Variants in FHIT observed in about 807,000 individuals in gnomAD.
FHIT encodes bis(5'-adenosyl)-triphosphatase.
Under a neutral mutation model 17.9 loss-of-function variants are expected in FHIT, and 19 were observed. The ratio of observed to expected loss-of-function variants is 1.06; its 90% CI spans 0.74 to 1.56. The LOEUF is 1.56. FHIT is among the 40% of genes most tolerant of loss of function. The pLI is 0.00. For missense variants in FHIT, 248 were observed against 189.2 expected (o/e 1.31, Z -1.82); for synonymous variants, 81 against 69.7 (o/e 1.16, Z -0.81).
chr3:59,844,413 G>A (rs1398818315), intron 8 of FHIT, among the ~76,000 whole-genome samples: 2 of 152,082 alleles, frequency 1.3e-5, no homozygotes, highest in African/African-American at 4.8e-5. Context: ...CACTGAACAT[G>A]ATGTTCAATG....
chr3:60,507,023 T>C (rs1258026928), intron 5 of FHIT, among the ~76,000 whole-genome samples: 3 of 152,140 alleles, frequency 2.0e-5, no homozygotes, highest in Non-Finnish European at 4.4e-5. Context: ...GCTCTCATAG[T>C]CTAGAGGAAG....
chr3:60,875,838 G>C (rs1406648841), intron 3 of FHIT, among the ~76,000 whole-genome samples: 2 of 151,772 alleles, frequency 1.3e-5, no homozygotes, highest in Admixed American at 1.3e-4. Flanking sequence ...GTAAGTAGCA[G>C]ACATAGAATT....
At chr3:60,301,957 G>C (rs1273768811) in intron 5 of FHIT, among the ~76,000 whole-genome samples, 1 of 151,318 alleles carries the variant, frequency 6.6e-6, no homozygotes, top group Non-Finnish European at 1.5e-5. Flanking sequence ...CCTTATAAAA[G>C]GAAAAAAAAG....
chr3:60,669,436 T>A (rs1166813410), intron 4 of FHIT, among the ~76,000 whole-genome samples: 1 of 152,146 alleles, frequency 6.6e-6, no homozygotes, highest in Non-Finnish European at 1.5e-5. Flanking sequence ...CTGTGACAGA[T>A]TTCCCCACCA....
chr3:60,998,936 G>A (rs2030869694), intron 3 of FHIT, among the ~76,000 whole-genome samples: 1 of 150,734 alleles, frequency 6.6e-6, no homozygotes, highest in South Asian at 2.1e-4. Context: ...TAAGTGCACA[G>A]GAGATCTCCA....
intron 8 of FHIT, among the ~76,000 whole-genome samples, chr3:59,754,168 C>T (rs1161812452): frequency 6.6e-6 from 1 of 151,686 alleles, no homozygotes; most frequent in Non-Finnish European, 1.5e-5. Flanking sequence ...GTGAGGGAAC[C>T]ATAGCCTCGC....
At chr3:60,571,747 C>T (rs1015242242) in intron 4 of FHIT, among the ~76,000 whole-genome samples, 1 of 152,136 alleles carries the variant, frequency 6.6e-6, no homozygotes, top group Admixed American at 6.5e-5. Context: ...TACTATTAAG[C>T]ACCCTCTCTG....
chr3:60,269,248 C>T (rs953726278), intron 5 of FHIT, among the ~76,000 whole-genome samples: 9 of 152,144 alleles, frequency 5.9e-5, no homozygotes, highest in African/African-American at 2.2e-4. Flanking sequence ...AAGTATGAGC[C>T]ATCAAGATAT....
At chr3:60,404,171 T>G (rs764579520) in intron 5 of FHIT, among the ~76,000 whole-genome samples, 1 of 149,064 alleles carries the variant, frequency 6.7e-6, no homozygotes, top group Non-Finnish European at 1.5e-5. Flanking sequence ...AAATCCCTAC[T>G]TTTTTTGCGT....
chr3:60,566,369 C>T (rs1177628771), intron 4 of FHIT, among the ~76,000 whole-genome samples: 1 of 152,134 alleles, frequency 6.6e-6, no homozygotes, highest in African/African-American at 2.4e-5. Context: ...ACATGATTAT[C>T]TCAATAGATG....
At chr3:59,791,224 A>G (rs1385497516) in intron 8 of FHIT, among the ~76,000 whole-genome samples, 2 of 152,126 alleles carry the variant, frequency 1.3e-5, no homozygotes, top group Non-Finnish European at 2.9e-5. Context: ...AGGGAACCCT[A>G]TCCTTCTGGC....
chr3:60,609,873 T>C (rs2038732221), intron 4 of FHIT, among the ~76,000 whole-genome samples: 1 of 152,156 alleles, frequency 6.6e-6, no homozygotes, highest in Admixed American at 6.5e-5. Flanking sequence ...AGCACATGCA[T>C]AAAATAAAGT....
At chr3:60,931,075 G>A (rs1707925870) in intron 3 of FHIT, among the ~76,000 whole-genome samples, 2 of 152,308 alleles carry the variant, frequency 1.3e-5, no homozygotes, top group South Asian at 4.1e-4. Flanking sequence ...GGACATGGAT[G>A]AAGCTGGAAA....
At chr3:60,345,788 A>T (rs1710745538) in intron 5 of FHIT, among the ~76,000 whole-genome samples, 1 of 152,240 alleles carries the variant, frequency 6.6e-6, no homozygotes, top group Non-Finnish European at 1.5e-5. Flanking sequence ...ACTTTAAGAA[A>T]GAAAATGTCT....
intron 5 of FHIT, among the ~76,000 whole-genome samples, chr3:60,180,837 A>C (rs894068040): frequency 2.0e-5 from 3 of 152,196 alleles, no homozygotes; most frequent in African/African-American, 7.2e-5. Flanking sequence ...CTGGATTGCA[A>C]GATTAAAGAA....
chr3:60,782,628 C>A (rs1700431951), intron 4 of FHIT, among the ~76,000 whole-genome samples: 1 of 152,098 alleles, frequency 6.6e-6, no homozygotes, highest in Non-Finnish European at 1.5e-5. Context: ...AAGCACTGGC[C>A]ACACTTTTCC....
At chr3:60,196,478 A>G (rs1702645049) in intron 5 of FHIT, among the ~76,000 whole-genome samples, 1 of 152,138 alleles carries the variant, frequency 6.6e-6, no homozygotes. Context: ...TACCTGAATA[A>G]TACCAGATAA....
At chr3:61,140,816 C>T (rs1231689328) in intron 2 of FHIT, among the ~76,000 whole-genome samples, 1 of 152,114 alleles carries the variant, frequency 6.6e-6, no homozygotes, top group Non-Finnish European at 1.5e-5. Flanking sequence ...CATTGAGACA[C>T]TAGGGAGCAT....
At chr3:61,009,810 C>A (rs961175755) in intron 3 of FHIT, among the ~76,000 whole-genome samples, 2 of 152,098 alleles carry the variant, frequency 1.3e-5, no homozygotes, top group Non-Finnish European at 2.9e-5. Flanking sequence ...TGAAGGTAAC[C>A]TAATCTTTGA....
Sources: gnomAD v4.1 joint callset for allele counts (sites outside exome capture counted in the v4.1 genomes callset) on GRCh38, gnomAD v4.1.1 for gene constraint, MANE v1.5 for transcripts, NCBI Gene and HGNC (gene_info 2026-07-23, HGNC 2026-07-21) for gene names.